GDAP1L1: variants seen among roughly 807,000 people sequenced by gnomAD.
GDAP1L1 encodes ganglioside-induced differentiation-associated protein 1-like 1.
In GDAP1L1, 21 loss-of-function variants were observed where a neutral mutation model predicts 37.1. The ratio of observed to expected loss-of-function variants is 0.57; its 90% CI spans 0.40 to 0.81. The LOEUF (loss-of-function observed/expected upper bound fraction) is 0.81, where lower values mean the gene tolerates loss of function less well. Ranked by LOEUF, GDAP1L1 falls within the 40% of genes least tolerant of loss-of-function variation. GDAP1L1 has a pLI of 0.00. For synonymous variants in GDAP1L1, 193 were observed against 209.1 expected (o/e 0.92, Z 0.67); for missense variants, 362 against 491.6 (o/e 0.74, Z 2.49).
chr20:44,270,234 G>A (rs1345405684), intron 5 of GDAP1L1, among the ~76,000 whole-genome samples: 4 of 146,306 alleles, frequency 2.7e-5, no homozygotes, highest in Non-Finnish European at 3.0e-5. Flanking sequence ...GCAGTGGCGG[G>A]ATCTCGGCTC....
At chr20:44,248,461 C>A (rs1351065890) in intron 1 of GDAP1L1, among the ~76,000 whole-genome samples, 4 of 152,252 alleles carry the variant, frequency 2.6e-5, no homozygotes, top group Admixed American at 2.6e-4. Flanking sequence ...CGTTCATTTT[C>A]CAGATGGAAA....
intron 1 of GDAP1L1, among the ~76,000 whole-genome samples, chr20:44,248,109 C>T (rs942629501): frequency 2.0e-5 from 3 of 152,226 alleles, no homozygotes; most frequent in Admixed American, 6.5e-5. Context: ...ACCATCCCCT[C>T]ACACCAGCTC....
At position 44,279,854 on chromosome 20, in the gene GDAP1L1, T is replaced by C. The variant is rs142769255; in HGVS notation, c.*554T>C. Reference sequence around the variant, plus strand: ...AGGGGCTTCACGCTTCTCCTGGACATGGACTAGCTTGAGCCAAGGCAGTGG... The same window carrying C: ...AGGGGCTTCACGCTTCTCCTGGACACGGACTAGCTTGAGCCAAGGCAGTGG... On this transcript the variant is annotated 3_prime_UTR_variant, in exon 6 of 6. Transcript: ENST00000342560. 6.5e-4 allele frequency: 300 copies of C among 462,404 alleles called. 2 individuals carry two copies. Among genetic ancestry groups the C allele is most frequent in the African/African-American group, 4.8e-3 (242 of 49,926 alleles). The allele number at this position is 462,404 out of a possible 1,614,324, so 28.6% of individuals were successfully genotyped here.
chr20:44,275,191 C>T (rs1368523550), intron 5 of GDAP1L1, among the ~76,000 whole-genome samples: 1 of 152,182 alleles, frequency 6.6e-6, no homozygotes. Flanking sequence ...CTGCACCCAG[C>T]CTCATCAGGT....
chr20:44,261,165 A>T (rs2073667288), intron 3 of GDAP1L1, among the ~76,000 whole-genome samples: 4 of 152,144 alleles, frequency 2.6e-5, no homozygotes, highest in Admixed American at 2.6e-4. Flanking sequence ...GAGAGGAGGG[A>T]GGTCCCAGAG....
intron 5 of GDAP1L1, among the ~76,000 whole-genome samples, chr20:44,278,750 A>T (rs2062610603): frequency 6.6e-6 from 1 of 152,208 alleles, no homozygotes; most frequent in African/African-American, 2.4e-5. Flanking sequence ...AAAAGAATAA[A>T]AAAAAAGAAA....
rs62205983 is a variant in GDAP1L1 at position 44,270,996 on chromosome 20, G to T, written c.760+6437G>T. ...TCGCAGCTGAACCAGGCAAGGTCAC[G>T]TGCACTTGTAATTCCAGCTAGTTGG... On this transcript the variant is annotated intron_variant, in intron 5 of 5. Transcript: ENST00000342560. 7.4e-3 allele frequency among the ~76,000 whole-genome samples: 1,124 copies of T among 152,254 alleles called. 16 individuals are homozygous for T. The highest frequency in any genetic ancestry group is 0.051 in the East Asian group (266 of 5,174).
chr20:44,279,178 C>A lies in GDAP1L1; in HGVS notation c.982C>A (p.Pro328Thr). 5 of 1,614,140 alleles carry A rather than the reference C, an allele frequency of 3.1e-6. No individual in the cohort carries two copies. The highest frequency in any genetic ancestry group is 4.2e-6 in the Non-Finnish European group (5 of 1,179,982). ...CACCACCCTGCTGTCGGCCGTCATCCCCAATGCTTTCCGGCTGGTCAAGAG... is the reference window on the plus strand; with the variant it reads ...CACCACCCTGCTGTCGGCCGTCATCACCAATGCTTTCCGGCTGGTCAAGAG... ...IHTTLLSAVIPNAFRLVKRKP... is the reference protein window; with the variant it reads ...IHTTLLSAVITNAFRLVKRKP... Residue 328 changes from proline (P) to threonine (T), a missense_variant, in exon 6 of 6, where the codon CCC (proline) becomes ACC (threonine). Around this residue, in one of 2 missense-constraint regions of GDAP1L1, gnomAD observed 85 missense variants for 154.4 expected, o/e 0.55. Transcript: ENST00000342560.
intron 4 of GDAP1L1, 22 bp downstream of exon 4, chr20:44,263,349 GA>G (rs1264297520): frequency 1.3e-6 from 2 of 1,501,908 alleles, no homozygotes; most frequent in South Asian, 2.3e-5. Flanking sequence ...CCGGCCTGCT[GA>G]GTCCCCTTCC....
chr20:44,258,970 C>T (rs948279440), intron 3 of GDAP1L1, among the ~76,000 whole-genome samples: 30 of 151,874 alleles, frequency 2.0e-4, no homozygotes, highest in African/African-American at 7.0e-4. Flanking sequence ...TGTCCTGCCC[C>T]CCCCATACAC....
At chr20:44,265,404 G>A in intron 5 of GDAP1L1, 1 of 985,414 alleles carries the variant, frequency 1.0e-6, no homozygotes, top group Non-Finnish European at 1.2e-6. Context: ...TTTAAGACCT[G>A]TGATGAGTCT....
chr20:44,247,669 G>A (rs1227337350), intron 1 of GDAP1L1, among the ~76,000 whole-genome samples, 155 bp downstream of exon 1: 1 of 152,000 alleles, frequency 6.6e-6, no homozygotes, highest in Non-Finnish European at 1.5e-5. Flanking sequence ...TTCCTTCCAG[G>A]ACTGCTCACC....
chr20:44,264,328 TG>T, intron 4 of GDAP1L1, 116 bp from the exon 5 acceptor site: 2 of 1,256,746 alleles, frequency 1.6e-6, no homozygotes, highest in Non-Finnish European at 2.0e-6. Context: ...CCTATACACT[TG>T]GGGGGCATTT....
chr20:44,266,231 C>T (rs1388787543), intron 5 of GDAP1L1, among the ~76,000 whole-genome samples: 1 of 152,066 alleles, frequency 6.6e-6, no homozygotes, highest in Non-Finnish European at 1.5e-5. Context: ...TCACTTGAAC[C>T]TGGGAGGCAG....
At chr20:44,248,635 T>C (rs2073380930) in intron 1 of GDAP1L1, among the ~76,000 whole-genome samples, 1 of 152,250 alleles carries the variant, frequency 6.6e-6, no homozygotes, top group Non-Finnish European at 1.5e-5. Context: ...GAAGAAGGGA[T>C]ATAACTTAGG....
chr20:44,276,414 A>G (rs868559875), intron 5 of GDAP1L1, among the ~76,000 whole-genome samples: 168 of 121,580 alleles, frequency 1.4e-3, no homozygotes, highest in African/African-American at 4.9e-3. Flanking sequence ...AAAAAAGAAA[A>G]AGAAAGAAAG....
At chr20:44,275,902 G>C (rs764987942) in intron 5 of GDAP1L1, among the ~76,000 whole-genome samples, 31 of 152,144 alleles carry the variant, frequency 2.0e-4, no homozygotes, top group Non-Finnish European at 3.8e-4. Context: ...CAAAAACATG[G>C]TGATAAATAA....
At chr20:44,272,325 A>G (rs1885567409) in intron 5 of GDAP1L1, among the ~76,000 whole-genome samples, 1 of 152,078 alleles carries the variant, frequency 6.6e-6, no homozygotes. Flanking sequence ...TGAGGTGGGG[A>G]GTGTGGGCTT....
chr20:44,247,956 C>G (rs962769160), intron 1 of GDAP1L1, among the ~76,000 whole-genome samples: 1 of 152,064 alleles, frequency 6.6e-6, no homozygotes, highest in Non-Finnish European at 1.5e-5. Flanking sequence ...TGCACGCTGC[C>G]GTCCCGGACA....
Sources: allele counts gnomAD v4.1 joint callset (sites outside exome capture counted in the v4.1 genomes callset), GRCh38; gene constraint gnomAD v4.1.1; regional missense constraint gnomAD v4.1.1; transcripts MANE v1.5; gene names NCBI Gene and HGNC (gene_info 2026-07-23, HGNC 2026-07-21).